DYNC1I1: variants seen among roughly 807,000 people sequenced by gnomAD.
DYNC1I1 encodes cytoplasmic dynein 1 intermediate chain 1.
In DYNC1I1, 43 loss-of-function variants were observed where a neutral mutation model predicts 86.6. The ratio of observed to expected loss-of-function variants is 0.50; its 90% CI spans 0.39 to 0.64. The LOEUF (loss-of-function observed/expected upper bound fraction) is 0.64, where lower values mean the gene tolerates loss of function less well. DYNC1I1 is among the 30% of genes least tolerant of loss of function. The pLI, the probability that DYNC1I1 is intolerant of heterozygous loss-of-function variation, is 0.00. For synonymous variants in DYNC1I1, 262 were observed against 283.7 expected, an observed-to-expected ratio of 0.92 and a Z score of 0.77; for missense variants, 604 against 788.8, an observed-to-expected ratio of 0.77 and a Z score of 2.81.
At chr7:96,105,097 ATTG>A (rs1385375298) in intron 16 of DYNC1I1, among the ~76,000 whole-genome samples, 1 of 151,760 alleles carries the variant, frequency 6.6e-6, no homozygotes, top group African/African-American at 2.4e-5. Flanking sequence ...TGTAAATACT[ATTG>A]TTATTATTTT....
chr7:95,878,003 G>A (rs765218069), intron 6 of DYNC1I1, among the ~76,000 whole-genome samples: 11 of 152,216 alleles, frequency 7.2e-5, no homozygotes, highest in Non-Finnish European at 1.3e-4. Flanking sequence ...GATTCACACT[G>A]TGGGAGGACA....
At chr7:96,080,261 G>A in intron 15 of DYNC1I1, 102 bp from the exon 16 acceptor site, 1 of 1,431,822 alleles carries the variant, frequency 7.0e-7, no homozygotes, top group East Asian at 2.5e-5. Flanking sequence ...TAATGCACAT[G>A]AAGGCAGTTG....
In DYNC1I1 at chr7:95,938,043, G is replaced by A. The variant is rs11763314; in HGVS notation, c.491-39469G>A. Among the ~76,000 whole-genome samples, 1,062 of 152,026 alleles carry A rather than the reference G, an allele frequency of 7.0e-3. 14 individuals are homozygous for A. The highest frequency in any genetic ancestry group is 0.057 in the South Asian group (275 of 4,812). ...TACTTGGGCCCACTTCTTCCTTTTG[G>A]TGCCTGAGGCTTTCCTTAAGCGTGC... On this transcript the variant is annotated intron_variant, in intron 6 of 16. Transcript: ENST00000447467.
At chr7:95,846,623 CTCTCTGTGTGTGTG>C (rs1460287964) in intron 5 of DYNC1I1, among the ~76,000 whole-genome samples, 7 of 121,124 alleles carry the variant, frequency 5.8e-5, no homozygotes, top group African/African-American at 1.7e-4. Context: ...ATAAATCTCT[CTCTCTGTGTGTGTG>C]TGTGTGTGTG....
At chr7:95,954,044 C>T (rs560765190) in intron 6 of DYNC1I1, among the ~76,000 whole-genome samples, 18 of 151,910 alleles carry the variant, frequency 1.2e-4, no homozygotes, top group Admixed American at 3.9e-4. Context: ...TGGAAACAGC[C>T]CTGTGAACGC....
chr7:95,960,192 C>T (rs940956945), intron 6 of DYNC1I1, among the ~76,000 whole-genome samples: 16 of 152,262 alleles, frequency 1.1e-4, no homozygotes, highest in Non-Finnish European at 1.5e-4. Flanking sequence ...CTGCAACCTC[C>T]GCCTCCTGGG....
At chr7:95,888,315 T>C (rs1369750904) in intron 6 of DYNC1I1, among the ~76,000 whole-genome samples, 1 of 152,094 alleles carries the variant, frequency 6.6e-6, no homozygotes, top group Non-Finnish European at 1.5e-5. Context: ...TGCACGCCTG[T>C]AGTCCCAGCT....
chr7:95,877,958 C>G (rs998983259), intron 6 of DYNC1I1, among the ~76,000 whole-genome samples: 2 of 152,154 alleles, frequency 1.3e-5, no homozygotes, highest in African/African-American at 2.4e-5. Flanking sequence ...TATGCACATG[C>G]CCAAGGCTGC....
chr7:96,058,357 C>T (rs1789649182), intron 14 of DYNC1I1, among the ~76,000 whole-genome samples: 1 of 152,218 alleles, frequency 6.6e-6, no homozygotes, highest in South Asian at 2.1e-4. Flanking sequence ...TCTTACTACT[C>T]AAACTTGTGT....
chr7:95,940,058 G>A (rs1792161301), intron 6 of DYNC1I1, among the ~76,000 whole-genome samples: 1 of 152,216 alleles, frequency 6.6e-6, no homozygotes, highest in South Asian at 2.1e-4. Flanking sequence ...CATTTATGAA[G>A]CTTAGTTTGG....
chr7:95,857,060 A>AC (rs1270222782), intron 5 of DYNC1I1, among the ~76,000 whole-genome samples: 1 of 152,148 alleles, frequency 6.6e-6, no homozygotes, highest in Non-Finnish European at 1.5e-5. Flanking sequence ...CTTCATCCTT[A>AC]CCAAATCCTT....
chr7:96,053,323 C>T (rs1425923493), intron 14 of DYNC1I1, among the ~76,000 whole-genome samples: 3 of 152,216 alleles, frequency 2.0e-5, no homozygotes, highest in African/African-American at 4.8e-5. Flanking sequence ...CATTGCCACA[C>T]GACCTCATCT....
intron 8 of DYNC1I1, among the ~76,000 whole-genome samples, chr7:95,986,751 A>T (rs1793605852): frequency 6.6e-6 from 1 of 151,952 alleles, no homozygotes; most frequent in South Asian, 2.1e-4. Context: ...CCTTTCAGGG[A>T]GAGGCTCTGG....
intron 10 of DYNC1I1, among the ~76,000 whole-genome samples, chr7:96,009,271 G>A (rs1317968354): frequency 4.6e-5 from 7 of 152,190 alleles, no homozygotes; most frequent in African/African-American, 1.7e-4. Flanking sequence ...TGCCCGTGAA[G>A]CTAAAAGCAG....
intron 3 of DYNC1I1, 152 bp from the exon 4 acceptor site, chr7:95,813,095 T>C (rs1794866379): frequency 1.8e-6 from 2 of 1,097,772 alleles, no homozygotes; most frequent in Non-Finnish European, 2.4e-6. Flanking sequence ...TTTCTTTCCT[T>C]TTTTTTTTTT....
At chr7:95,984,446 T>C (rs1273304152) in intron 7 of DYNC1I1, among the ~76,000 whole-genome samples, 6 of 152,172 alleles carry the variant, frequency 3.9e-5, no homozygotes, top group African/African-American at 1.2e-4. Context: ...AATAGCATAA[T>C]AGCATATATA....
At chr7:95,800,569 A>T (rs1295190488) in intron 1 of DYNC1I1, among the ~76,000 whole-genome samples, 2 of 152,088 alleles carry the variant, frequency 1.3e-5, no homozygotes, top group African/African-American at 4.8e-5. Context: ...ATTGCAGTGG[A>T]TGGGGCTGGG....
Position 95,928,628 on chromosome 7 carries a change from G to A in DYNC1I1, c.491-48884G>A, listed in dbSNP as rs1319136804. Reference sequence around the variant, plus strand: ...ACCACGTGCAGTGTTTGTCACCTGGGCTTCAGTGTTAGTGCCGCCAGGTTC... The same window carrying A: ...ACCACGTGCAGTGTTTGTCACCTGGACTTCAGTGTTAGTGCCGCCAGGTTC... On this transcript the variant is annotated intron_variant, in intron 6 of 16. Transcript: ENST00000447467. Among the ~76,000 whole-genome samples, 7 of 152,274 alleles carry A rather than the reference G, an allele frequency of 4.6e-5. No individual in the cohort carries two copies. In the East Asian group the frequency reaches 1.4e-3, roughly 29 times the overall value.
At chr7:95,979,332 G>T (rs1160468892) in intron 7 of DYNC1I1, among the ~76,000 whole-genome samples, 2 of 151,784 alleles carry the variant, frequency 1.3e-5, no homozygotes, top group African/African-American at 2.4e-5. Flanking sequence ...ACCTTTTTTT[G>T]CCTCAGTTTC....
Sources: allele counts gnomAD v4.1 joint callset (sites outside exome capture counted in the v4.1 genomes callset), GRCh38; gene constraint gnomAD v4.1.1; transcripts MANE v1.5; gene names NCBI Gene and HGNC (gene_info 2026-07-23, HGNC 2026-07-21).